Variants in NEURL1B observed in about 807,000 individuals in gnomAD.
NEURL1B encodes the protein E3 ubiquitin-protein ligase NEURL1B.
In NEURL1B, 13 loss-of-function variants were observed where a neutral mutation model predicts 37.4. The observed-to-expected ratio is 0.35, with a 90% CI of 0.23 to 0.55. The LOEUF (loss-of-function observed/expected upper bound fraction) is 0.55, where lower values mean the gene tolerates loss of function less well. NEURL1B is among the 20% of genes least tolerant of loss of function. The pLI is 0.89. For missense variants in NEURL1B, 790 were observed against 879.2 expected, an observed-to-expected ratio of 0.90 and a Z score of 1.28; for synonymous variants, 432 against 426.6, an observed-to-expected ratio of 1.01 and a Z score of -0.16.
At chr5:172,644,309 C>T (rs1385055212) in intron 1 of NEURL1B, among the ~76,000 whole-genome samples, 1 of 152,158 alleles carries the variant, frequency 6.6e-6, no homozygotes, top group African/African-American at 2.4e-5. Flanking sequence ...CTTGTCCCAG[C>T]TCACACAGTT....
At position 172,665,360 on chromosome 5, in the gene NEURL1B, C is replaced by T. The variant is rs1394515859; in HGVS notation, c.32-4425C>T. 6.6e-6 allele frequency among the ~76,000 whole-genome samples: 1 copy of T among 152,198 alleles called. No individual in the cohort carries two copies. The highest frequency in any genetic ancestry group is 2.4e-5 in the African/African-American group (1 of 41,438). ...TCTGCCGATGGTCTGCACCCGGGTG[C>T]TGTTTCCCCTGCTCACTTGGGATTT... is the stretch of plus-strand genomic sequence containing the variant. On this transcript the variant is annotated intron_variant, in intron 1 of 4. Coordinates refer to ENST00000369800, the MANE Select transcript of NEURL1B (RefSeq NM_001142651.3). The surrounding 1 kb of genome is among the most constrained non-coding windows in gnomAD (Gnocchi z 4.1).
At chr5:172,667,059 C>G (rs28554166) in intron 1 of NEURL1B, among the ~76,000 whole-genome samples, 117,655 of 151,738 alleles carry the variant, frequency 0.78, 46,493 homozygotes, top group African/African-American at 0.94. Context: ...GCATGGACAA[C>G]CCCCTGCCCT....
chr5:172,641,459 G>A lies in NEURL1B; in HGVS notation c.31+22G>A. On this transcript the variant is annotated intron_variant, in intron 1 of 4. Coordinates refer to ENST00000369800, the MANE Select transcript of NEURL1B (RefSeq NM_001142651.3). The surrounding 1 kb of genome is among the most constrained non-coding windows in gnomAD (Gnocchi z 6.4). ...CCAGGTACGCCGGGGAGCCCTGCCCGGGAGGCGGGCGCCGGGCTTCTCTCC... is the reference window on the plus strand; with the variant it reads ...CCAGGTACGCCGGGGAGCCCTGCCCAGGAGGCGGGCGCCGGGCTTCTCTCC... The A allele has an allele frequency of 2.3e-6, 3 of 1,312,358 alleles. No homozygotes were observed. The highest frequency in any genetic ancestry group is 2.0e-5 in the South Asian group (1 of 49,544). The allele number at this position is 1,312,358 out of a possible 1,614,324, so 81.3% of individuals were successfully genotyped here.
chr5:172,643,372 T>C lies in NEURL1B; in HGVS notation c.31+1935T>C, dbSNP rs75119891. ...TGTGCTGTTTTTTGTACCTCTGTGC[T>C]TGGCATGTGATGGTCCCCATGCATG... is the stretch of plus-strand genomic sequence containing the variant. On this transcript the variant is annotated intron_variant, in intron 1 of 4. Transcript: ENST00000369800. 8.8e-3 allele frequency among the ~76,000 whole-genome samples: 1,340 copies of C among 152,346 alleles called. 18 individuals carry two copies. The highest frequency in any genetic ancestry group is 0.031 in the African/African-American group (1,286 of 41,580).
Position 172,657,882 on chromosome 5 carries a change from T to C in NEURL1B, c.32-11903T>C, listed in dbSNP as rs1019378569. On this transcript the variant is annotated intron_variant, in intron 1 of 4. Transcript: ENST00000369800. The surrounding 1 kb of genome is among the most constrained non-coding windows in gnomAD (Gnocchi z 4.0). ...TTCCTCCCATACTCCTGGTTCCTCT[T>C]TGAAGTTCGTAGTAGATAGTGGTAG... Among the ~76,000 whole-genome samples the C allele has an allele frequency of 6.6e-6, 1 of 152,180 alleles. No homozygotes were observed. Among genetic ancestry groups the C allele is most frequent in the Non-Finnish European group, 1.5e-5 (1 of 68,030 alleles).
intron 1 of NEURL1B, among the ~76,000 whole-genome samples, chr5:172,652,765 C>T (rs1002895632): frequency 2.0e-5 from 3 of 152,196 alleles, no homozygotes. Flanking sequence ...CAGGGTATAA[C>T]AAGGCAAGCA....
Position 172,684,150 on chromosome 5 carries a change from G to T in NEURL1B, c.1297+12G>T, listed in dbSNP as rs1404470526. 2.4e-6 allele frequency: 3 copies of T among 1,228,270 alleles called. No individual in the cohort carries two copies. In the Admixed American group the frequency reaches 1.3e-4, roughly 54 times the overall value. The allele number at this position is 1,228,270 out of a possible 1,614,324, so 76.1% of individuals were successfully genotyped here. On this transcript the variant is annotated intron_variant, in intron 3 of 4. Transcript: ENST00000369800. ...GCTGCGTCTCCTCGGTGAGTCCCCG[G>T]CCCCGCGTGCGCGAGGCCCCGCCCC...
In NEURL1B at chr5:172,676,365, G is replaced by C. The variant is rs551128615; in HGVS notation, c.577+6035G>C. ...GGAGGAAAGGCCACCAGCATTTCCA[G>C]TCTTGCATCCCACGAGCTTAACAAA... On this transcript the variant is annotated intron_variant, in intron 2 of 4. Coordinates refer to ENST00000369800, the MANE Select transcript of NEURL1B (RefSeq NM_001142651.3). This position sits in a 1 kb window ranked among gnomAD's most constrained non-coding sequence, Gnocchi z 4.5. Among the ~76,000 whole-genome samples, 4 of 152,312 alleles carry C rather than the reference G, an allele frequency of 2.6e-5. No homozygotes were observed. In the East Asian group the frequency reaches 7.7e-4, roughly 29 times the overall value.
chr5:172,681,119 G>A (rs999365939), intron 2 of NEURL1B, among the ~76,000 whole-genome samples: 2 of 152,108 alleles, frequency 1.3e-5, no homozygotes, highest in African/African-American at 4.8e-5. Context: ...ACCAGATCTC[G>A]TGAGAACTCG....
intron 1 of NEURL1B, among the ~76,000 whole-genome samples, chr5:172,650,965 A>G (rs1411608012): frequency 6.6e-6 from 1 of 152,166 alleles, no homozygotes; most frequent in Non-Finnish European, 1.5e-5. Flanking sequence ...GGAGCAGATA[A>G]TCTGAATGAG....
At chr5:172,672,033 A>C (rs929985789) in intron 2 of NEURL1B, among the ~76,000 whole-genome samples, 2 of 152,222 alleles carry the variant, frequency 1.3e-5, no homozygotes, top group Non-Finnish European at 2.9e-5. Context: ...CACCCACCTC[A>C]TGGGATTGTT....
intron 2 of NEURL1B, among the ~76,000 whole-genome samples, chr5:172,680,145 G>C (rs964829613): frequency 7.2e-5 from 11 of 152,090 alleles, no homozygotes; most frequent in African/African-American, 2.2e-4. Flanking sequence ...TTAATGTTTT[G>C]AGCACTTAGT....
intron 2 of NEURL1B, among the ~76,000 whole-genome samples, chr5:172,681,176 ACCT>A (rs1261772859): frequency 3.9e-5 from 6 of 152,142 alleles, no homozygotes; most frequent in African/African-American, 1.2e-4. Flanking sequence ...TGATCCAATC[ACCT>A]CCAACACTAG....
chr5:172,666,020 G>T (rs975671971), intron 1 of NEURL1B, among the ~76,000 whole-genome samples: 2 of 152,206 alleles, frequency 1.3e-5, no homozygotes, highest in Non-Finnish European at 2.9e-5. Context: ...GCCTGTGCCA[G>T]TCCAGTGCCT....
intron 1 of NEURL1B, among the ~76,000 whole-genome samples, chr5:172,649,948 C>A (rs751574408): frequency 1.3e-5 from 2 of 151,246 alleles, no homozygotes; most frequent in Non-Finnish European, 3.0e-5. Flanking sequence ...GAGCTGGCCG[C>A]TAGCCTCACT....
Position 172,686,606 on chromosome 5 carries a change from A to G in NEURL1B, c.1424-75A>G, listed in dbSNP as rs952576973. Reference sequence around the variant, plus strand: ...CACCGGTCCCAGCAAGAAGCCCTGCATTCTCGGGGTTGCCCCAACAGAGCC... The same window carrying G: ...CACCGGTCCCAGCAAGAAGCCCTGCGTTCTCGGGGTTGCCCCAACAGAGCC... On this transcript the variant is annotated intron_variant, in intron 4 of 4. Coordinates refer to ENST00000369800, the MANE Select transcript of NEURL1B (RefSeq NM_001142651.3). This position sits in a 1 kb window ranked among gnomAD's most constrained non-coding sequence, Gnocchi z 7.9. The G allele has an allele frequency of 6.8e-6, 10 of 1,464,046 alleles. No homozygotes were observed. Among genetic ancestry groups the G allele is most frequent in the Admixed American group, 2.2e-5 (1 of 45,656 alleles). 90.7% of individuals were successfully genotyped at this position (1,464,046 alleles called of 1,614,324 possible). A position where few individuals can be genotyped will look rare whatever the true frequency, so the allele number is the denominator to read the frequency against.
chr5:172,656,287 C>G (rs1215453904), intron 1 of NEURL1B, among the ~76,000 whole-genome samples: 1 of 152,066 alleles, frequency 6.6e-6, no homozygotes, highest in Non-Finnish European at 1.5e-5. Flanking sequence ...AGCGGGTGAT[C>G]AGAATGAGTT....
In NEURL1B at chr5:172,641,563, C is replaced by T; in HGVS notation, c.31+126C>T. 1.3e-6 allele frequency: 1 copy of T among 784,566 alleles called. No homozygotes were observed. The highest frequency in any genetic ancestry group is 3.4e-5 in the East Asian group (1 of 29,240). 48.6% of individuals were successfully genotyped at this position (784,566 alleles called of 1,614,324 possible). A position where few individuals can be genotyped will look rare whatever the true frequency, so the allele number is the denominator to read the frequency against. Reference sequence around the variant, plus strand: ...CTCGGCTCGCAGCGGGCTGGAGTCTCCGGTACCTCCCGGACCTCAGCTCGG... The same window carrying T: ...CTCGGCTCGCAGCGGGCTGGAGTCTTCGGTACCTCCCGGACCTCAGCTCGG... On this transcript the variant is annotated intron_variant, in intron 1 of 4. Transcript: ENST00000369800. The surrounding 1 kb of genome is among the most constrained non-coding windows in gnomAD (Gnocchi z 6.4).
intron 1 of NEURL1B, among the ~76,000 whole-genome samples, chr5:172,648,342 G>T (rs1270102352): frequency 6.6e-6 from 1 of 152,228 alleles, no homozygotes; most frequent in Non-Finnish European, 1.5e-5. Context: ...CTGATCTTAG[G>T]ATTGGGTGCT....
Sources: allele counts gnomAD v4.1 joint callset (sites outside exome capture counted in the v4.1 genomes callset), GRCh38; gene constraint gnomAD v4.1.1; non-coding constraint Gnocchi (gnomAD v3.1); transcripts MANE v1.5; gene names NCBI Gene and HGNC (gene_info 2026-07-23, HGNC 2026-07-21).